The following CCSER1 variants were observed in gnomAD, a reference collection of about 807,000 sequenced individuals.
CCSER1 encodes the protein coiled-coil serine rich protein 1, also known as serine-rich coiled-coil domain-containing protein 1.
A neutral mutation model predicts 82.0 loss-of-function variants in CCSER1; 41 were observed. The observed-to-expected ratio is 0.50, with a 90% CI of 0.39 to 0.65. CCSER1 has a LOEUF of 0.65. CCSER1 is among the 30% of genes least tolerant of loss of function. CCSER1 has a pLI of 0.00. For missense variants in CCSER1, 1,119 were observed against 1,064.2 expected, an observed-to-expected ratio of 1.05 and a Z score of -0.72; for synonymous variants, 414 against 383.9, an observed-to-expected ratio of 1.08 and a Z score of -0.92.
At chr4:90,196,812 A>G (rs1269024001) in intron 1 of CCSER1, among the ~76,000 whole-genome samples, 1 of 152,098 alleles carries the variant, frequency 6.6e-6, no homozygotes, top group Non-Finnish European at 1.5e-5. Context: ...TATAACTATT[A>G]GGGATAGGAA....
intron 10 of CCSER1, among the ~76,000 whole-genome samples, chr4:91,332,629 A>T (rs970189366): frequency 6.6e-6 from 1 of 152,006 alleles, no homozygotes; most frequent in Non-Finnish European, 1.5e-5. Context: ...ACAGCGCTAC[A>T]AAAGGAGGTA....
chr4:90,280,011 G>A (rs189225531), intron 1 of CCSER1, among the ~76,000 whole-genome samples: 62 of 152,044 alleles, frequency 4.1e-4, no homozygotes, highest in African/African-American at 1.3e-3. Flanking sequence ...AAGGGATCTC[G>A]TTTTAAGTAA....
chr4:90,214,742 G>T (rs1390522719), intron 1 of CCSER1, among the ~76,000 whole-genome samples: 1 of 152,090 alleles, frequency 6.6e-6, no homozygotes, highest in Non-Finnish European at 1.5e-5. Flanking sequence ...TGAGATAACA[G>T]ACTTTAAAAA....
chr4:90,470,559 C>G (rs1221769025), intron 5 of CCSER1, among the ~76,000 whole-genome samples: 1 of 152,028 alleles, frequency 6.6e-6, no homozygotes, highest in African/African-American at 2.4e-5. Flanking sequence ...TCTTCAAGTA[C>G]AGTTTTGGTT....
At chr4:90,185,916 C>G (rs1438866303) in intron 1 of CCSER1, among the ~76,000 whole-genome samples, 1 of 151,968 alleles carries the variant, frequency 6.6e-6, no homozygotes, top group Non-Finnish European at 1.5e-5. Context: ...TAACATGGTA[C>G]TTTTTTGATG....
intron 5 of CCSER1, among the ~76,000 whole-genome samples, chr4:90,513,386 T>G (rs1436356208): frequency 6.6e-6 from 1 of 152,174 alleles, no homozygotes; most frequent in Non-Finnish European, 1.5e-5. Context: ...CTCTTCAAGG[T>G]AGAAAAATTA....
chr4:90,729,421 T>G (rs1423157692), intron 7 of CCSER1, among the ~76,000 whole-genome samples: 1 of 152,226 alleles, frequency 6.6e-6, no homozygotes, highest in Admixed American at 6.5e-5. Context: ...AGTATTCAGT[T>G]GAGCTCATAT....
chr4:91,036,317 A>T (rs1741431843), intron 9 of CCSER1, among the ~76,000 whole-genome samples: 1 of 152,154 alleles, frequency 6.6e-6, no homozygotes, highest in African/African-American at 2.4e-5. Context: ...AATTAATTTG[A>T]TGATTAATTT....
intron 9 of CCSER1, among the ~76,000 whole-genome samples, chr4:91,026,391 C>A (rs936130449): frequency 1.3e-5 from 2 of 152,026 alleles, no homozygotes; most frequent in South Asian, 4.1e-4. Context: ...GCTAAAGGAG[C>A]TGGAATTGAA....
At chr4:91,410,970 G>A (rs1752985895) in intron 10 of CCSER1, among the ~76,000 whole-genome samples, 1 of 151,974 alleles carries the variant, frequency 6.6e-6, no homozygotes, top group Admixed American at 6.6e-5. Context: ...TCTTCTGTAT[G>A]AAGTCACTTC....
At chr4:90,780,850 G>A in intron 7 of CCSER1, 2 of 963,154 alleles carry the variant, frequency 2.1e-6, no homozygotes, top group Non-Finnish European at 2.5e-6. Flanking sequence ...GGCTGTTCTT[G>A]CATGGCTATA....
intron 4 of CCSER1, among the ~76,000 whole-genome samples, chr4:90,422,776 G>C (rs1328918450): frequency 6.6e-6 from 1 of 152,130 alleles, no homozygotes; most frequent in Non-Finnish European, 1.5e-5. Flanking sequence ...GCATCTTCAG[G>C]CTGTGTCTCA....
rs147746217 is a variant in CCSER1 at position 90,310,742 on chromosome 4, C to G, written c.1324+1134C>G. ...AAAGCTCTGGCTCTCCATAACTATG[C>G]TTTACTACATGTCATGACTTAAAAT... is the stretch of plus-strand genomic sequence containing the variant. On this transcript the variant is annotated intron_variant, in intron 2 of 10. Transcript: ENST00000509176. Among the ~76,000 whole-genome samples the G allele has an allele frequency of 4.5e-3, 692 of 152,156 alleles. 4 individuals carry two copies. Among genetic ancestry groups the G allele is most frequent in the Middle Eastern group, 0.024 (7 of 294 alleles).
rs1280715160 is a variant in CCSER1 at position 90,167,619 on chromosome 4, C to A, written c.-42+39788C>A. On this transcript the variant is annotated intron_variant, in intron 1 of 10. Transcript: ENST00000509176. ...AGGTATATCTCCTAATGCTATCCCTCCCCCGTCCCCCCACCCCACAACAGG... is the reference window on the plus strand; with the variant it reads ...AGGTATATCTCCTAATGCTATCCCTACCCCGTCCCCCCACCCCACAACAGG... Among the ~76,000 whole-genome samples the A allele has an allele frequency of 2.0e-5, 3 of 151,838 alleles. No homozygotes were observed. The East Asian group carries it at 5.9e-4, about 30-fold the overall frequency.
At chr4:90,340,539 G>A (rs1463612121) in intron 3 of CCSER1, among the ~76,000 whole-genome samples, 1 of 152,046 alleles carries the variant, frequency 6.6e-6, no homozygotes, top group Non-Finnish European at 1.5e-5. Context: ...TGGATTCAAA[G>A]GAAATTATAA....
At chr4:90,355,698 A>G (rs1744262177) in intron 3 of CCSER1, among the ~76,000 whole-genome samples, 1 of 151,942 alleles carries the variant, frequency 6.6e-6, no homozygotes, top group Admixed American at 6.6e-5. Flanking sequence ...ACTCTTCTTA[A>G]TCTGTAATTA....
chr4:90,216,735 T>C (rs1741108457), intron 1 of CCSER1, among the ~76,000 whole-genome samples: 1 of 152,188 alleles, frequency 6.6e-6, no homozygotes, highest in Non-Finnish European at 1.5e-5. Flanking sequence ...TCTTTTTGTT[T>C]AGGATTTCTT....
chr4:90,159,517 A>G (rs1233113272), intron 1 of CCSER1, among the ~76,000 whole-genome samples: 1 of 152,186 alleles, frequency 6.6e-6, no homozygotes, highest in Admixed American at 6.5e-5. Context: ...GAGAGAGAAC[A>G]CACAATATGG....
At chr4:91,294,198 T>C (rs748452529) in intron 10 of CCSER1, among the ~76,000 whole-genome samples, 9 of 152,026 alleles carry the variant, frequency 5.9e-5, no homozygotes, top group Non-Finnish European at 1.0e-4. Flanking sequence ...TGAATTTTTA[T>C]GATACTCATT....
Sources: allele counts gnomAD v4.1 joint callset (sites outside exome capture counted in the v4.1 genomes callset), GRCh38; gene constraint gnomAD v4.1.1; transcripts MANE v1.5; gene names NCBI Gene and HGNC (gene_info 2026-07-23, HGNC 2026-07-21).